The following COA1 variants were observed in gnomAD, a reference collection of about 807,000 sequenced individuals.
COA1 encodes the protein cytochrome c oxidase assembly factor 1 homolog.
In COA1, 13 loss-of-function variants were observed where a neutral mutation model predicts 16.0. That is an observed-to-expected ratio of 0.81 (90% CI 0.53 to 1.29). The LOEUF is 1.29. COA1 is among the 50% of genes most tolerant of loss of function. COA1 has a pLI of 0.00. For synonymous variants in COA1, 65 were observed against 65.7 expected (o/e 0.99, Z 0.05); for missense variants, 179 against 177.0 (o/e 1.01, Z -0.06).
At chr7:43,641,563 GTT>G (rs1563216177) in intron 4 of COA1, 2 of 152,106 alleles carry the variant, frequency 1.3e-5, no homozygotes, top group Non-Finnish European at 2.9e-5. Context: ...AAAATTCACT[GTT>G]TTAAAGAGGG....
intron 6 of COA1, among the ~76,000 whole-genome samples, chr7:43,611,461 C>T (rs2082871543): frequency 6.6e-6 from 1 of 152,300 alleles, no homozygotes; most frequent in African/African-American, 2.4e-5. Context: ...GACATGTGCA[C>T]ACCCACACGC....
chr7:43,724,279 G>C (rs574428633), intron 1 of COA1, among the ~76,000 whole-genome samples: 1 of 151,740 alleles, frequency 6.6e-6, no homozygotes, highest in Non-Finnish European at 1.5e-5. Flanking sequence ...ACAGCCAGGC[G>C]CGGTGGCTCA....
intron 1 of COA1, among the ~76,000 whole-genome samples, chr7:43,685,066 T>A (rs1306612387): frequency 1.3e-5 from 2 of 151,478 alleles, no homozygotes; most frequent in African/African-American, 2.4e-5. Flanking sequence ...GAAGGATCAC[T>A]TGAGCCCAGG....
intron 1 of COA1, among the ~76,000 whole-genome samples, chr7:43,724,565 AAAG>A (rs1438076977): frequency 2.0e-5 from 3 of 152,070 alleles, no homozygotes; most frequent in Non-Finnish European, 4.4e-5. Context: ...AAAAAAAAAA[AAAG>A]AATTGAAAGC....
chr7:43,639,673 A>G lies in COA1; in HGVS notation c.350T>C (p.Leu117Pro), dbSNP rs1584151342. ...SRGGPFQRWH[L>P]DEVFLELKDG... is the part of the protein sequence containing the mutation. Reference sequence around the variant, plus strand: ...CTTGAGCTCTAAAAAGACCTCGTCAAGGTGCCACCTGAGAGAAACCAAAAG... The same window carrying G: ...CTTGAGCTCTAAAAAGACCTCGTCAGGGTGCCACCTGAGAGAAACCAAAAG... The change falls in exon 6 of 6, where the codon CTT becomes CCT. Residue 117 changes from leucine (L) to proline (P), a missense_variant. By Grantham distance (98) the Leu-to-Pro change is moderately conservative. Coordinates refer to ENST00000223336, the MANE Select transcript of COA1 (RefSeq NM_018224.4). 1.9e-6 allele frequency: 3 copies of G among 1,613,800 alleles called. No homozygotes were observed. The highest frequency in any genetic ancestry group is 2.5e-6 in the Non-Finnish European group (3 of 1,179,684).
intron 1 of COA1, among the ~76,000 whole-genome samples, chr7:43,702,952 T>A (rs1320203310): frequency 6.6e-6 from 1 of 152,214 alleles, no homozygotes; most frequent in Non-Finnish European, 1.5e-5. Context: ...GGTCATTAAT[T>A]TTAGATCTTT....
intron 1 of COA1, among the ~76,000 whole-genome samples, chr7:43,711,897 CATATA>C (rs1172374424): frequency 2.6e-5 from 4 of 152,236 alleles, no homozygotes; most frequent in Middle Eastern, 3.4e-3. Flanking sequence ...CATGACTGAA[CATATA>C]ATATATAAAA....
chr7:43,697,231 C>A (rs767844731), intron 1 of COA1, among the ~76,000 whole-genome samples: 1 of 152,138 alleles, frequency 6.6e-6, no homozygotes, highest in Non-Finnish European at 1.5e-5. Flanking sequence ...TTATGTTATT[C>A]TCTAAATTCT....
chr7:43,717,872 A>G lies in COA1; in HGVS notation c.-39+11557T>C, dbSNP rs1716798248. 2.6e-5 allele frequency among the ~76,000 whole-genome samples: 4 copies of G among 152,306 alleles called. No homozygotes were observed. In the South Asian group the frequency reaches 6.2e-4, roughly 24 times the overall value. On this transcript the variant is annotated intron_variant, in intron 1 of 5. Transcript: ENST00000223336. ...AAGTCTCACAAGATCTGATGGTTTTATCAAGGGTTTCCACTTTGCATCTTT... is the reference window on the plus strand; with the variant it reads ...AAGTCTCACAAGATCTGATGGTTTTGTCAAGGGTTTCCACTTTGCATCTTT...
rs565624367 is a variant in COA1 at position 43,658,437 on chromosome 7, G to C, written c.-38-9785C>G. ...CATCTGAGAACAAATCAAACCTCTC[G>C]AAACTAAGATATAACATAAACACCT... On this transcript the variant is annotated intron_variant, in intron 1 of 5. Coordinates refer to ENST00000223336, the MANE Select transcript of COA1 (RefSeq NM_018224.4). Among the ~76,000 whole-genome samples, 10 of 151,914 alleles carry C rather than the reference G, an allele frequency of 6.6e-5. No homozygotes were observed. The South Asian group carries it at 1.5e-3, about 22-fold the overall frequency.
chr7:43,647,744 G>T, intron 2 of COA1, 110 bp from the exon 3 acceptor site: 1 of 761,120 alleles, frequency 1.3e-6, no homozygotes, highest in Non-Finnish European at 2.2e-6. Context: ...CCAGAAAGGA[G>T]GCCAGACCGC....
At position 43,726,001 on chromosome 7, in the gene COA1, A is replaced by C. The variant is rs1379869738; in HGVS notation, c.-39+3428T>G. ...CATGCCCCAAACAATACAGAACACA[A>C]TAGCTACACTCAACCTCTGCATACA... On this transcript the variant is annotated intron_variant, in intron 1 of 5. Transcript: ENST00000223336. Among the ~76,000 whole-genome samples, 15 of 118,240 alleles carry C rather than the reference A, an allele frequency of 1.3e-4. No homozygotes were observed. In the Admixed American group the frequency reaches 1.5e-3, roughly 12 times the overall value. The allele number at this position is 118,240 out of a possible 152,430, so 77.6% of individuals were successfully genotyped here.
intron 1 of COA1, among the ~76,000 whole-genome samples, chr7:43,725,244 A>T (rs1340329086): frequency 1.3e-5 from 2 of 152,166 alleles, no homozygotes; most frequent in Admixed American, 6.5e-5. Flanking sequence ...ATCTCAAAAA[A>T]AAAAAAAGAA....
chr7:43,672,241 T>G (rs1233772492), intron 1 of COA1, among the ~76,000 whole-genome samples: 1 of 152,104 alleles, frequency 6.6e-6, no homozygotes, highest in Non-Finnish European at 1.5e-5. Flanking sequence ...CAGGCCAAGA[T>G]CCCTGATGAA....
intron 1 of COA1, among the ~76,000 whole-genome samples, chr7:43,658,021 T>G (rs1323442602): frequency 6.6e-6 from 1 of 151,972 alleles, no homozygotes; most frequent in Non-Finnish European, 1.5e-5. Context: ...TATGACTCTG[T>G]GTCAAAAAAT....
chr7:43,691,176 G>A (rs2094271899), intron 1 of COA1, among the ~76,000 whole-genome samples: 1 of 149,982 alleles, frequency 6.7e-6, no homozygotes, highest in South Asian at 2.1e-4. Context: ...CTGAGGCCAG[G>A]AGTTTGGGGC....
intron 1 of COA1, among the ~76,000 whole-genome samples, chr7:43,679,707 A>G (rs1377665059): frequency 6.6e-6 from 1 of 152,198 alleles, no homozygotes; most frequent in Non-Finnish European, 1.5e-5. Context: ...AGTCTTATAA[A>G]TAATTCTTCA....
At chr7:43,651,324 G>A (rs2090730197) in intron 1 of COA1, among the ~76,000 whole-genome samples, 1 of 152,232 alleles carries the variant, frequency 6.6e-6, no homozygotes, top group African/African-American at 2.4e-5. Context: ...GTTAGCCACA[G>A]GAAGGTGGCA....
chr7:43,649,904 G>A lies in COA1; in HGVS notation c.-38-1252C>T, dbSNP rs568982462. ...CACCAAGAGAGGAAGTAACACTCAG[G>A]AAGTGGTCAACCTTGCTGCAGGGCA... is the stretch of plus-strand genomic sequence containing the variant. On this transcript the variant is annotated intron_variant, in intron 1 of 5. Coordinates refer to ENST00000223336, the MANE Select transcript of COA1 (RefSeq NM_018224.4). The A allele has an allele frequency of 3.9e-5, 6 of 152,380 alleles. No homozygotes were observed. The South Asian group carries it at 1.0e-3, about 26-fold the overall frequency. 9.4% of individuals were successfully genotyped at this position (152,380 alleles called of 1,614,324 possible).
Sources: allele counts gnomAD v4.1 joint callset (sites outside exome capture counted in the v4.1 genomes callset), GRCh38; gene constraint gnomAD v4.1.1; transcripts MANE v1.5; gene names NCBI Gene and HGNC (gene_info 2026-07-23, HGNC 2026-07-21).